The following KCNJ15 variants were observed in gnomAD, a reference collection of about 807,000 sequenced individuals.
The protein encoded by KCNJ15 is potassium inwardly rectifying channel subfamily J member 15.
KCNJ15 carries 14 observed loss-of-function variants against 23.0 expected under a neutral mutation model. The observed-to-expected ratio is 0.61, with a 90% CI of 0.40 to 0.95. The LOEUF (loss-of-function observed/expected upper bound fraction) is 0.95, where lower values mean the gene tolerates loss of function less well. Ranked by LOEUF, KCNJ15 falls within the 40% of genes least tolerant of loss-of-function variation. The pLI is 0.00. For synonymous variants in KCNJ15, 185 were observed against 183.2 expected, an observed-to-expected ratio of 1.01 and a Z score of -0.08; for missense variants, 388 against 461.8, an observed-to-expected ratio of 0.84 and a Z score of 1.46.
chr21:38,232,793 T>C (rs1423107638), intron 1 of KCNJ15, among the ~76,000 whole-genome samples: 1 of 151,962 alleles, frequency 6.6e-6, no homozygotes, highest in Admixed American at 6.5e-5. Context: ...CTGATTTGAT[T>C]CCAATGTCAT....
At chr21:38,243,607 A>G (rs1288670813) in intron 1 of KCNJ15, among the ~76,000 whole-genome samples, 1 of 152,112 alleles carries the variant, frequency 6.6e-6, no homozygotes, top group Non-Finnish European at 1.5e-5. Flanking sequence ...TTTTTAGTAA[A>G]GACGGGGTTT....
chr21:38,300,487 G>A lies in KCNJ15; in HGVS notation c.*98G>A, dbSNP rs952158231. The A allele has an allele frequency of 3.6e-5, 38 of 1,061,880 alleles. No homozygotes were observed. The African/African-American group carries it at 4.8e-4, about 13-fold the overall frequency. 65.8% of individuals were successfully genotyped at this position (1,061,880 alleles called of 1,614,324 possible). A position where few individuals can be genotyped will look rare whatever the true frequency, so the allele number is the denominator to read the frequency against. On this transcript the variant is annotated 3_prime_UTR_variant, in exon 3 of 3. Transcript: ENST00000398938. ...GCTGTGAAAACGAAAATGTGTAGAC[G>A]CACTCTCAAAAACTGCACGGACATA...
intron 1 of KCNJ15, among the ~76,000 whole-genome samples, chr21:38,263,762 A>G (rs1373694471): frequency 6.6e-6 from 1 of 152,106 alleles, no homozygotes; most frequent in Admixed American, 6.5e-5. Context: ...GGGCCTGACT[A>G]CCTCTGCATG....
Position 38,299,271 on chromosome 21 carries a change from A to T in KCNJ15, c.10A>T (p.Ile4Phe), listed in dbSNP as rs781664337. Residue 4 changes from isoleucine to phenylalanine, a missense_variant, in exon 3 of 3, where the codon ATT (isoleucine) becomes TTT (phenylalanine). Coordinates refer to ENST00000398938, the MANE Select transcript of KCNJ15 (RefSeq NM_170736.3). This position sits in a 1 kb window ranked among gnomAD's most constrained non-coding sequence, Gnocchi z 4.5. MDA[I>F]HIGMSSTPLV... ...TTTCCAGAGCCTGGCAATGGATGCC[A>T]TTCACATCGGCATGTCCAGCACCCC... 1.9e-6 allele frequency: 3 copies of T among 1,611,616 alleles called. No individual in the cohort carries two copies. The East Asian group carries it at 6.7e-5, about 36-fold the overall frequency.
chr21:38,255,035 A>G (rs2123590397), upstream of KCNJ15, among the ~76,000 whole-genome samples: 1 of 152,328 alleles, frequency 6.6e-6, no homozygotes, highest in African/African-American at 2.4e-5. Flanking sequence ...ATGTTTGGTG[A>G]ATAAGACAGG....
chr21:38,266,695 A>G (rs1337419446), intron 1 of KCNJ15, among the ~76,000 whole-genome samples: 1 of 152,200 alleles, frequency 6.6e-6, no homozygotes, highest in African/African-American at 2.4e-5. Flanking sequence ...GCTGGGTCAA[A>G]TGGTATTTCT....
chr21:38,299,116 C>CT lies in KCNJ15; in HGVS notation c.-18-126dup. The CT allele has an allele frequency of 1.3e-6, 1 of 750,312 alleles. No homozygotes were observed. Among genetic ancestry groups the CT allele is most frequent in the South Asian group, 1.8e-5 (1 of 54,912 alleles). The allele number at this position is 750,312 out of a possible 1,614,324, so 46.5% of individuals were successfully genotyped here. On this transcript the variant is annotated intron_variant, in intron 2 of 2. Transcript: ENST00000398938. This position sits in a 1 kb window ranked among gnomAD's most constrained non-coding sequence, Gnocchi z 4.5. ...ACCACCTAAGTATAGATCAGTTAATCTTGCCTTCAGAATTCTCCTTTCTTG... is the reference window on the plus strand; with the variant it reads ...ACCACCTAAGTATAGATCAGTTAATCTTTGCCTTCAGAATTCTCCTTTCTTG...
chr21:38,248,219 G>A (rs971495309), intron 1 of KCNJ15, among the ~76,000 whole-genome samples: 1 of 152,094 alleles, frequency 6.6e-6, no homozygotes, highest in Non-Finnish European at 1.5e-5. Context: ...GAACAGAAGG[G>A]GTAACTGAGC....
intron 1 of KCNJ15, among the ~76,000 whole-genome samples, chr21:38,239,653 T>C (rs541928612): frequency 3.4e-4 from 52 of 152,334 alleles, no homozygotes; most frequent in African/African-American, 1.2e-3. Flanking sequence ...TGCAGGCCAG[T>C]GAGCAAACCA....
chr21:38,263,014 T>C (rs891818090), intron 1 of KCNJ15, among the ~76,000 whole-genome samples: 2 of 152,116 alleles, frequency 1.3e-5, no homozygotes, highest in Admixed American at 1.3e-4. Flanking sequence ...TAAAACGAGT[T>C]GGATATAATG....
intron 1 of KCNJ15, among the ~76,000 whole-genome samples, chr21:38,292,089 G>T (rs1423169285): frequency 1.3e-5 from 2 of 152,226 alleles, no homozygotes; most frequent in Non-Finnish European, 2.9e-5. Context: ...GCAAGCTAAT[G>T]CTGATGATGG....
At chr21:38,271,557 T>C (rs1229054705) in intron 1 of KCNJ15, among the ~76,000 whole-genome samples, 1 of 152,176 alleles carries the variant, frequency 6.6e-6, no homozygotes, top group East Asian at 1.9e-4. Context: ...TCCTAAGCAG[T>C]TGAAATGTGT....
At chr21:38,282,710 C>T (rs139033063) in intron 1 of KCNJ15, among the ~76,000 whole-genome samples, 12 of 152,220 alleles carry the variant, frequency 7.9e-5, no homozygotes, top group African/African-American at 1.9e-4. Context: ...CTCTGCCCAC[C>T]GTGTGCCTCC....
Position 38,303,382 on chromosome 21 carries a change from A to C in KCNJ15, c.*2993A>C, listed in dbSNP as rs1255735458. ...GTTTTCTCAATGAGACCATTAAAAA[A>C]CGTTGTGTTCCATTTGAGAAACCAG... On this transcript the variant is annotated 3_prime_UTR_variant, in exon 3 of 3. Transcript: ENST00000398938. 1 of 152,102 alleles carries C rather than the reference A, an allele frequency of 6.6e-6. No homozygotes were observed. The highest frequency in any genetic ancestry group is 1.9e-4 in the East Asian group (1 of 5,156). The allele number at this position is 152,102 out of a possible 1,614,324, so 9.4% of individuals were successfully genotyped here. A position where few individuals can be genotyped will look rare whatever the true frequency, so the allele number is the denominator to read the frequency against.
chr21:38,268,257 T>A (rs920452225), intron 1 of KCNJ15, among the ~76,000 whole-genome samples: 1 of 152,056 alleles, frequency 6.6e-6, no homozygotes, highest in African/African-American at 2.4e-5. Flanking sequence ...AAGGAAACAA[T>A]GCCAGTTTTC....
intron 1 of KCNJ15, among the ~76,000 whole-genome samples, chr21:38,294,553 G>A (rs1277170435): frequency 3.3e-5 from 5 of 152,146 alleles, no homozygotes; most frequent in Non-Finnish European, 7.4e-5. Flanking sequence ...AAGTTTTCTC[G>A]AGATGGGCAA....
intron 1 of KCNJ15, among the ~76,000 whole-genome samples, chr21:38,261,864 C>T (rs1449052819): frequency 6.6e-6 from 1 of 152,170 alleles, no homozygotes; most frequent in East Asian, 1.9e-4. Context: ...AGGGCTTGCC[C>T]CAGTGGAATA....
upstream of KCNJ15, among the ~76,000 whole-genome samples, chr21:38,255,229 C>T (rs1275472448): frequency 6.6e-6 from 1 of 152,206 alleles, no homozygotes; most frequent in Non-Finnish European, 1.5e-5. Context: ...AATGAGTCAG[C>T]TCAGTGAATG....
rs1429417033 is a variant in KCNJ15 at position 38,306,654 on chromosome 21, A to T, written c.*6265A>T. On this transcript the variant is annotated 3_prime_UTR_variant, in exon 3 of 3. Transcript: ENST00000398938. ...TTTTACAAAAACAAACCTCCAGATC[A>T]CAAAAGGAAGCTGTGTTTGTGTACT... The T allele has an allele frequency of 6.6e-6, 1 of 152,236 alleles. No homozygotes were observed. Among genetic ancestry groups the T allele is most frequent in the African/African-American group, 2.4e-5 (1 of 41,468 alleles). The allele number at this position is 152,236 out of a possible 1,614,324, so 9.4% of individuals were successfully genotyped here. A position where few individuals can be genotyped will look rare whatever the true frequency, so the allele number is the denominator to read the frequency against.
Sources: allele counts gnomAD v4.1 joint callset (sites outside exome capture counted in the v4.1 genomes callset), GRCh38; gene constraint gnomAD v4.1.1; non-coding constraint Gnocchi (gnomAD v3.1); transcripts MANE v1.5; gene names NCBI Gene and HGNC (gene_info 2026-07-23, HGNC 2026-07-21).